MREG: variants seen among roughly 807,000 people sequenced by gnomAD.
MREG encodes the protein melanoregulin.
MREG carries 31 observed loss-of-function variants against 28.5 expected under a neutral mutation model. The ratio of observed to expected loss-of-function variants is 1.09; its 90% CI spans 0.82 to 1.47. The LOEUF (loss-of-function observed/expected upper bound fraction) is 1.47, where lower values mean the gene tolerates loss of function less well. Ranked by LOEUF, MREG falls within the 40% of genes most tolerant of loss-of-function variation. The pLI is 0.00. For synonymous variants in MREG, 106 were observed against 95.2 expected (o/e 1.11, Z -0.66); for missense variants, 256 against 257.4 (o/e 0.99, Z 0.04).
chr2:215,962,159 G>A (rs1388624227), intron 2 of MREG, among the ~76,000 whole-genome samples: 1 of 152,130 alleles, frequency 6.6e-6, no homozygotes, highest in Non-Finnish European at 1.5e-5. Context: ...TTGAGTTCTG[G>A]AAACAGACTG....
At chr2:216,033,642 C>T (rs921473833), upstream of MREG, 1 of 152,372 alleles carries the variant, frequency 6.6e-6, no homozygotes. Context: ...TCAAGGAGAA[C>T]AAGTCTGAAG....
intron 2 of MREG, among the ~76,000 whole-genome samples, chr2:215,964,525 A>G (rs1485371940): frequency 1.3e-5 from 2 of 152,092 alleles, no homozygotes; most frequent in Admixed American, 6.6e-5. Context: ...AATCACACTA[A>G]TGAGCAAAAG....
At chr2:215,977,480 A>G (rs1478095903) in intron 2 of MREG, among the ~76,000 whole-genome samples, 3 of 152,222 alleles carry the variant, frequency 2.0e-5, no homozygotes, top group Admixed American at 2.0e-4. Context: ...ACGAGACAGA[A>G]AATTAACAAG....
intron 2 of MREG, among the ~76,000 whole-genome samples, chr2:215,949,087 C>CTACTACTACTAATAA (rs869228880): frequency 2.4e-5 from 3 of 124,602 alleles, no homozygotes; most frequent in Admixed American, 8.7e-5. Flanking sequence ...ACTACTACTA[C>CTACTACTACTAATAA]TAATAATAAT....
At chr2:215,978,891 A>G (rs1343131231) in intron 2 of MREG, among the ~76,000 whole-genome samples, 1 of 152,244 alleles carries the variant, frequency 6.6e-6, no homozygotes, top group African/African-American at 2.4e-5. Flanking sequence ...TCTCAAAATA[A>G]TAAGAGCTAT....
intron 2 of MREG, among the ~76,000 whole-genome samples, chr2:215,954,647 G>T (rs1488429081): frequency 1.3e-5 from 2 of 151,924 alleles, no homozygotes; most frequent in Non-Finnish European, 2.9e-5. Context: ...AAACAGAAAA[G>T]AATGACTATT....
At chr2:215,987,934 TA>T (rs991375669) in intron 2 of MREG, among the ~76,000 whole-genome samples, 1 of 152,018 alleles carries the variant, frequency 6.6e-6, no homozygotes, top group African/African-American at 2.4e-5. Flanking sequence ...ATTTAAAAAA[TA>T]AAAAAGAAGA....
At position 215,982,755 on chromosome 2, in the gene MREG, G is replaced by A. The variant is rs551456756; in HGVS notation, c.255+13551C>T. On this transcript the variant is annotated intron_variant, in intron 2 of 4. Coordinates refer to ENST00000263268, the MANE Select transcript of MREG (RefSeq NM_018000.3). ...GTCATGCAGGTTTCTGGGTCACACCGACCTGAGCTGGGATCCCAATGCTCC... is the reference window on the plus strand; with the variant it reads ...GTCATGCAGGTTTCTGGGTCACACCAACCTGAGCTGGGATCCCAATGCTCC... Among the ~76,000 whole-genome samples, 47 of 152,240 alleles carry A rather than the reference G, an allele frequency of 3.1e-4. No homozygotes were observed. The South Asian group carries it at 8.7e-3, about 28-fold the overall frequency.
chr2:215,960,332 G>T (rs778268825), intron 2 of MREG, among the ~76,000 whole-genome samples: 4 of 152,196 alleles, frequency 2.6e-5, no homozygotes, highest in Non-Finnish European at 5.9e-5. Flanking sequence ...CAAGAACCGG[G>T]ATTCGCCCAG....
chr2:215,993,858 A>G (rs1693785899), intron 2 of MREG, among the ~76,000 whole-genome samples: 1 of 152,228 alleles, frequency 6.6e-6, no homozygotes. Flanking sequence ...CAAAACTACA[A>G]TGAGATACCA....
chr2:216,031,695 A>AAG (rs1348716269), intron 1 of MREG, among the ~76,000 whole-genome samples: 72 of 107,030 alleles, frequency 6.7e-4, no homozygotes, highest in East Asian at 4.6e-3. Flanking sequence ...AAGAAAGAGA[A>AAG]AGAAAGAAAG....
chr2:216,004,626 G>T (rs1345497124), intron 1 of MREG, among the ~76,000 whole-genome samples: 2 of 151,914 alleles, frequency 1.3e-5, no homozygotes, highest in African/African-American at 2.4e-5. Flanking sequence ...CTGAACCAAT[G>T]CACTCTTGTT....
intron 2 of MREG, among the ~76,000 whole-genome samples, chr2:215,982,052 G>A (rs1693440372): frequency 6.6e-6 from 1 of 152,162 alleles, no homozygotes; most frequent in Non-Finnish European, 1.5e-5. Context: ...CGGGCACGGT[G>A]GCTCACACCT....
intron 2 of MREG, among the ~76,000 whole-genome samples, chr2:215,967,828 T>A (rs918149535): frequency 6.6e-6 from 1 of 152,140 alleles, no homozygotes; most frequent in Admixed American, 6.5e-5. Flanking sequence ...ATTTGGCCCA[T>A]GTGTCATAGT....
intron 1 of MREG, among the ~76,000 whole-genome samples, chr2:216,024,047 A>G (rs763891389): frequency 6.6e-6 from 1 of 152,138 alleles, no homozygotes; most frequent in Non-Finnish European, 1.5e-5. Context: ...ATATGCCATG[A>G]GTACCCCTTT....
intron 2 of MREG, among the ~76,000 whole-genome samples, chr2:215,954,891 T>C (rs779506570): frequency 2.0e-5 from 3 of 152,122 alleles, no homozygotes; most frequent in African/African-American, 2.4e-5. Context: ...TTAGTAGAGA[T>C]GCAGTCTCAT....
At chr2:215,941,491 G>A (rs147319716), downstream of MREG, among the ~76,000 whole-genome samples, 10 of 152,236 alleles carry the variant, frequency 6.6e-5, no homozygotes, top group East Asian at 1.9e-4. Context: ...GTGTCTCAGC[G>A]CCCTCAGATT....
At position 216,013,271 on chromosome 2, in the gene MREG, C is replaced by T. The variant is rs1321535457; in HGVS notation, c.57G>A (p.Leu19=). 3.2e-6 allele frequency: 5 copies of T among 1,549,896 alleles called. No homozygotes were observed. Among genetic ancestry groups the T allele is most frequent in the Non-Finnish European group, 4.4e-6 (5 of 1,146,718 alleles). ...CCTTCTCAGGCAGGGCGCGCTCCTC[C>T]AAGCACTCGCACCCGCAGCAGCAGC... ...TVCCCCGCEC[L]EERALPEKEP... is the part of the protein sequence containing the mutation. Residue 19 remains leucine (L), a synonymous_variant, in exon 1 of 5, where the codon TTG becomes TTA. Coordinates refer to ENST00000263268, the MANE Select transcript of MREG (RefSeq NM_018000.3).
At chr2:215,994,626 A>G (rs929228008) in intron 2 of MREG, among the ~76,000 whole-genome samples, 2 of 142,864 alleles carry the variant, frequency 1.4e-5, no homozygotes, top group Admixed American at 1.4e-4. Context: ...AGAAGAGAAG[A>G]AGGAGGGGGA....
Sources: allele counts gnomAD v4.1 joint callset (sites outside exome capture counted in the v4.1 genomes callset), GRCh38; gene constraint gnomAD v4.1.1; transcripts MANE v1.5; gene names NCBI Gene and HGNC (gene_info 2026-07-23, HGNC 2026-07-21).